ACOT11: variants seen among roughly 807,000 people sequenced by gnomAD.
ACOT11 encodes the protein acyl-coenzyme A thioesterase 11.
A neutral mutation model predicts 77.5 loss-of-function variants in ACOT11; 69 were observed. The observed-to-expected ratio is 0.89, with a 90% CI of 0.73 to 1.09. The LOEUF (loss-of-function observed/expected upper bound fraction) is 1.09, where lower values mean the gene tolerates loss of function less well. Ranked by LOEUF, ACOT11 falls within the 50% of genes least tolerant of loss-of-function variation. The pLI, the probability that ACOT11 is intolerant of heterozygous loss-of-function variation, is 0.00. For synonymous variants in ACOT11, 279 were observed against 313.0 expected (o/e 0.89, Z 1.15); for missense variants, 766 against 813.7 (o/e 0.94, Z 0.71).
At chr1:54,586,437 T>C (rs1316289514) in intron 3 of ACOT11, among the ~76,000 whole-genome samples, 2 of 151,684 alleles carry the variant, frequency 1.3e-5, no homozygotes, top group African/African-American at 4.8e-5. Flanking sequence ...TTTTTTTTTT[T>C]TCTTTTTTTT....
intron 16 of ACOT11, among the ~76,000 whole-genome samples, chr1:54,632,699 A>G (rs1644307470): frequency 1.3e-5 from 2 of 152,362 alleles, no homozygotes; most frequent in African/African-American, 4.8e-5. Context: ...CCTGTGAAAT[A>G]ACTATTCAAG....
At chr1:54,601,532 C>T (rs1486600511) in intron 9 of ACOT11, 119 bp downstream of exon 9, 10 of 1,432,346 alleles carry the variant, frequency 7.0e-6, no homozygotes, top group East Asian at 2.4e-5. Context: ...CACCCTACCC[C>T]CGTGCTGGGG....
chr1:54,589,424 C>G (rs139925612), intron 3 of ACOT11, among the ~76,000 whole-genome samples: 1 of 149,974 alleles, frequency 6.7e-6, no homozygotes, highest in East Asian at 2.0e-4. Flanking sequence ...AGTCAGTGTT[C>G]AAATGCCCAA....
chr1:54,601,170 C>T (rs973378646), intron 8 of ACOT11, 99 bp from the exon 9 acceptor site: 57 of 1,420,226 alleles, frequency 4.0e-5, no homozygotes, highest in African/African-American at 7.1e-5. Context: ...TGTGTGTGGG[C>T]GCATGTGTGC....
rs757397838 is a variant in ACOT11 at position 54,605,143 on chromosome 1, A to T, written c.1304A>T (p.Asp435Val). ...CACATGGAGATGGTGGTGCATGTGGATGCAGCCCAGGCCTTCCTGCTGCTC... is the reference window on the plus strand; with the variant it reads ...CACATGGAGATGGTGGTGCATGTGGTTGCAGCCCAGGCCTTCCTGCTGCTC... Reference protein sequence around the residue: ...SFHMEMVVHVDAAQAFLLLSD... With the variant: ...SFHMEMVVHVVAAQAFLLLSD... Residue 435 changes from aspartate to valine, a missense_variant, in exon 13 of 16, where the codon GAT becomes GTT. Coordinates refer to ENST00000343744, the MANE Select transcript of ACOT11 (RefSeq NM_147161.4). The T allele has an allele frequency of 1.9e-6, 3 of 1,613,992 alleles. No homozygotes were observed. The East Asian group carries it at 6.7e-5, about 36-fold the overall frequency.
Position 54,584,851 on chromosome 1 carries a change from C to G in ACOT11, c.230C>G (p.Ala77Gly). The G allele has an allele frequency of 1.2e-6, 2 of 1,613,008 alleles. No individual in the cohort carries two copies. The highest frequency in any genetic ancestry group is 1.7e-6 in the Non-Finnish European group (2 of 1,179,586). The change falls in exon 2 of 16, where the codon GCT becomes GGT. Residue 77 changes from alanine (A) to glycine (G), a missense_variant. Coordinates refer to ENST00000343744, the MANE Select transcript of ACOT11 (RefSeq NM_147161.4). This position sits in a 1 kb window ranked among gnomAD's most constrained non-coding sequence, Gnocchi z 6.3. Reference sequence around the variant, plus strand: ...CTGCTCAAGTGGATTGACACCACGGCTTGCCTGTCCGGTAAGGCTGCGCTC... The same window carrying G: ...CTGCTCAAGTGGATTGACACCACGGGTTGCCTGTCCGGTAAGGCTGCGCTC... ...GQLLKWIDTTACLSAERHAGC... is the reference protein window; with the variant it reads ...GQLLKWIDTTGCLSAERHAGC...
intron 1 of ACOT11, among the ~76,000 whole-genome samples, chr1:54,563,979 T>C (rs1328990529): frequency 6.6e-6 from 1 of 151,262 alleles, no homozygotes; most frequent in Non-Finnish European, 1.5e-5. Context: ...GGCAGGAGAA[T>C]CGCTTGAACC....
chr1:54,602,866 A>T (rs1246830071), intron 10 of ACOT11, 142 bp downstream of exon 10: 1 of 928,030 alleles, frequency 1.1e-6, no homozygotes, highest in Non-Finnish European at 1.5e-6. Context: ...TTTTGGTCTT[A>T]TTACACAGCG....
At chr1:54,612,558 G>T (rs753119849), downstream of ACOT11, 1 of 1,614,094 alleles carries the variant, frequency 6.2e-7, no homozygotes, top group Non-Finnish European at 8.5e-7. Context: ...TACAGGGAAG[G>T]TGACCCTCTG....
chr1:54,569,678 A>G (rs902020274), intron 1 of ACOT11, among the ~76,000 whole-genome samples: 1 of 152,168 alleles, frequency 6.6e-6, no homozygotes, highest in Admixed American at 6.6e-5. Context: ...AGGAATTGTT[A>G]TTGTTGAGTG....
rs191211996 is a variant in ACOT11, at chr1:54,616,737, T to G, written c.1629+8669T>G. ...TATAATTTTTTATGTTTTTTCAACA[T>G]TATGACACATTTCCACGATCTTTTT... On this transcript the variant is annotated intron_variant, in intron 15 of 16. Coordinates refer to the ACOT11 transcript ENST00000371316. Among the ~76,000 whole-genome samples the G allele has an allele frequency of 7.9e-4, 121 of 152,318 alleles. 1 individual carries two copies. The East Asian group carries it at 0.019, about 24-fold the overall frequency.
chr1:54,618,408 G>A (rs1394259934), intron 15 of ACOT11, among the ~76,000 whole-genome samples: 1 of 152,156 alleles, frequency 6.6e-6, no homozygotes, highest in African/African-American at 2.4e-5. Context: ...GGAGGCTAAG[G>A]CAGGAAGAAT....
chr1:54,634,357 A>G (rs1431611053), intron 16 of ACOT11, among the ~76,000 whole-genome samples: 1 of 152,218 alleles, frequency 6.6e-6, no homozygotes, highest in African/African-American at 2.4e-5. Context: ...CTGGCTCAAA[A>G]AGTAAAGTTT....
intron 11 of ACOT11, 74 bp downstream of exon 11, chr1:54,604,011 G>T: frequency 7.0e-7 from 1 of 1,422,480 alleles, no homozygotes; most frequent in Non-Finnish European, 9.9e-7. Context: ...GTCAGAACGG[G>T]TTTGGAGGAA....
rs560471881 is a variant in ACOT11 at position 54,619,829 on chromosome 1, C to T, written c.1630-10905C>T. 1.9e-6 allele frequency: 3 copies of T among 1,609,498 alleles called. No homozygotes were observed. The African/African-American group carries it at 4.0e-5, about 21-fold the overall frequency. On this transcript the variant is annotated intron_variant, in intron 15 of 16. Transcript: ENST00000371316. ...CTCCCTCTGTCTTCTCTATCCCTTG[C>T]CCTGGCCTGCCTCAGTCTTGGCAGC...
chr1:54,573,990 T>C (rs1464420069), intron 1 of ACOT11, among the ~76,000 whole-genome samples: 6 of 150,466 alleles, frequency 4.0e-5, no homozygotes, highest in African/African-American at 7.4e-5. Flanking sequence ...GATTGTGCCA[T>C]TGCACTCCAG....
chr1:54,582,796 A>G (rs147507460), intron 1 of ACOT11, among the ~76,000 whole-genome samples: 1 of 152,254 alleles, frequency 6.6e-6, no homozygotes, highest in Non-Finnish European at 1.5e-5. Context: ...CAGACTGCCC[A>G]GAAACCCCAG....
chr1:54,566,832 T>C (rs141715816), intron 1 of ACOT11, among the ~76,000 whole-genome samples: 257 of 152,224 alleles, frequency 1.7e-3, no homozygotes, highest in African/African-American at 5.6e-3. Flanking sequence ...GATAGTTAGA[T>C]TTTCTACCTG....
Position 54,597,416 on chromosome 1 carries a change from G to C in ACOT11, c.764+1G>C, listed in dbSNP as rs761198115. ...AGAATGTGGCCACCATTGCAGCCAG[G>C]TGAGGGCAGGGTGTGCTGCCTCTGC... On this transcript the variant is annotated splice_donor_variant, in intron 7 of 15. Coordinates refer to ENST00000343744, the MANE Select transcript of ACOT11 (RefSeq NM_147161.4). LOFTEE classifies it high-confidence loss of function. 4 of 1,609,798 alleles carry C rather than the reference G, an allele frequency of 2.5e-6. No individual in the cohort carries two copies. The highest frequency in any genetic ancestry group is 3.4e-6 in the Non-Finnish European group (4 of 1,177,802).
Sources: allele counts gnomAD v4.1 joint callset (sites outside exome capture counted in the v4.1 genomes callset), GRCh38; gene constraint gnomAD v4.1.1; non-coding constraint Gnocchi (gnomAD v3.1); transcripts MANE v1.5; gene names NCBI Gene and HGNC (gene_info 2026-07-23, HGNC 2026-07-21).